The following WNT10B variants were observed in gnomAD, a reference collection of about 807,000 sequenced individuals.
The protein encoded by WNT10B is Wnt family member 10B, also known as protein Wnt-10b.
In WNT10B, 26 loss-of-function variants were observed where a neutral mutation model predicts 32.7. The ratio of observed to expected loss-of-function variants is 0.79; its 90% CI spans 0.58 to 1.10. WNT10B has a LOEUF of 1.10. Ranked by LOEUF, WNT10B falls within the 50% of genes least tolerant of loss-of-function variation. WNT10B has a pLI of 0.00. For synonymous variants in WNT10B, 204 were observed against 220.4 expected (o/e 0.93, Z 0.66); for missense variants, 474 against 532.5 (o/e 0.89, Z 1.08).
At chr12:48,968,991 G>A (rs976972080) in intron 3 of WNT10B, 2 of 449,342 alleles carry the variant, frequency 4.5e-6, no homozygotes, top group African/African-American at 4.1e-5. Context: ...GAGGAGGAGA[G>A]AGGTTGGGGA....
chr12:48,968,136 G>A lies in WNT10B; in HGVS notation c.521C>T (p.Pro174Leu). ...LQALSRGKSF[P>L]HSLPSPGPGS... ...AGGGCCAGGGCTGGGCAGAGAGTGG[G>A]GGAAACTCTTGCCTCGGGACAGTGC... is the stretch of plus-strand genomic sequence containing the variant. The change falls in exon 4 of 5, where the codon CCC (proline) becomes CTC (leucine). Residue 174 changes from proline (P) to leucine (L), a missense_variant. By Grantham distance (98) the Pro-to-Leu change is moderately conservative. Transcript: ENST00000301061. 1.9e-6 allele frequency: 3 copies of A among 1,614,242 alleles called. No homozygotes were observed. The highest frequency in any genetic ancestry group is 2.5e-6 in the Non-Finnish European group (3 of 1,180,036).
rs1940839662 is a variant in WNT10B at position 48,970,719 on chromosome 12, T to G, written c.-40-150A>C. The G allele has an allele frequency of 1.6e-6, 1 of 636,224 alleles. No individual in the cohort carries two copies. The highest frequency in any genetic ancestry group is 2.0e-5 in the South Asian group (1 of 50,750). The allele number at this position is 636,224 out of a possible 1,614,324, so 39.4% of individuals were successfully genotyped here. A position where few individuals can be genotyped will look rare whatever the true frequency, so the allele number is the denominator to read the frequency against. The stretch of plus-strand genomic sequence containing the variant: ...AAACAAAACAAGAAGAAACACCCCT[T>G]GATTCCCAGAGTCCCTGAGGCTTGG... On this transcript the variant is annotated intron_variant, in intron 1 of 4. Coordinates refer to ENST00000301061, the MANE Select transcript of WNT10B (RefSeq NM_003394.4). The surrounding 1 kb of genome is among the most constrained non-coding windows in gnomAD (Gnocchi z 5.0).
At position 48,965,667 on chromosome 12, in the gene WNT10B, A is replaced by C. The variant is rs541034659; in HGVS notation, c.*428T>G. ...CAGTAAAGGAGTTTGGGGATAGTAC[A>C]TAGGAGTGGGTGATCTCTTTCTAGA... is the stretch of plus-strand genomic sequence containing the variant. On this transcript the variant is annotated 3_prime_UTR_variant, in exon 5 of 5. Transcript: ENST00000301061. 9.7e-4 allele frequency: 203 copies of C among 209,942 alleles called. 1 individual carries two copies. Among genetic ancestry groups the C allele is most frequent in the African/African-American group, 4.2e-3 (184 of 43,654 alleles). 13.0% of individuals were successfully genotyped at this position (209,942 alleles called of 1,614,324 possible).
At chr12:48,968,473 C>T (rs894611563) in intron 3 of WNT10B, among the ~76,000 whole-genome samples, 154 bp from the exon 4 acceptor site, 1 of 152,220 alleles carries the variant, frequency 6.6e-6, no homozygotes, top group Non-Finnish European at 1.5e-5. Context: ...GGAGGAAAGT[C>T]ATGGGACAAG....
chr12:48,970,761 G>A lies in WNT10B; in HGVS notation c.-40-192C>T, dbSNP rs567201936. 3 of 601,394 alleles carry A rather than the reference G, an allele frequency of 5.0e-6. No individual in the cohort carries two copies. The highest frequency in any genetic ancestry group is 3.0e-5 in the Admixed American group (1 of 33,752). The allele number at this position is 601,394 out of a possible 1,614,324, so 37.3% of individuals were successfully genotyped here. The stretch of plus-strand genomic sequence containing the variant: ...GAGGCTTGGAGGTCTTAAAGAAGAA[G>A]AGTCAAGGCGTTGTCCCAGCTCAGG... On this transcript the variant is annotated intron_variant, in intron 1 of 4. Coordinates refer to ENST00000301061, the MANE Select transcript of WNT10B (RefSeq NM_003394.4). The surrounding 1 kb of genome is among the most constrained non-coding windows in gnomAD (Gnocchi z 5.0).
In WNT10B at chr12:48,965,444, T is replaced by A. The variant is rs1592249068; in HGVS notation, c.*651A>T. On this transcript the variant is annotated 3_prime_UTR_variant, in exon 5 of 5. Coordinates refer to ENST00000301061, the MANE Select transcript of WNT10B (RefSeq NM_003394.4). The stretch of plus-strand genomic sequence containing the variant: ...TCCTGCTGAAGAAGGAAAAAGAGGC[T>A]CCAAGAGTCATGGGAAAACCCCTTC... The A allele has an allele frequency of 6.5e-6, 1 of 152,806 alleles. No individual in the cohort carries two copies. The highest frequency in any genetic ancestry group is 1.9e-4 in the East Asian group (1 of 5,186). 9.5% of individuals were successfully genotyped at this position (152,806 alleles called of 1,614,324 possible).
Position 48,965,977 on chromosome 12 carries a change from G to T in WNT10B, c.*118C>A. ...CCACCACCCCTAAAGCTGTTTCCAG[G>T]TAGATACTTTAAGCTTCCAGGGACC... On this transcript the variant is annotated 3_prime_UTR_variant, in exon 5 of 5. Transcript: ENST00000301061. The T allele has an allele frequency of 7.9e-7, 1 of 1,267,594 alleles. No individual in the cohort carries two copies. The highest frequency in any genetic ancestry group is 1.1e-6 in the Non-Finnish European group (1 of 903,832). The allele number at this position is 1,267,594 out of a possible 1,614,324, so 78.5% of individuals were successfully genotyped here.
chr12:48,968,073 TC>T lies in WNT10B; in HGVS notation c.583del (p.Glu195AsnfsTer45). ...CATGTCATGGTTACAGCCACCCCATTCCCATGTGTCCTGGGGGCCAGGGCTG... is the reference window on the plus strand; with the variant it reads ...CATGTCATGGTTACAGCCACCCCATTCCATGTGTCCTGGGGGCCAGGGCTG... ...SPSPGPQDTWEWGGCNHDMDF... is the reference protein window; with the variant it reads ...SPSPGPQDTWXWGGCNHDMDF... On this transcript the variant is annotated frameshift_variant, in exon 4 of 5. Coordinates refer to ENST00000301061, the MANE Select transcript of WNT10B (RefSeq NM_003394.4). LOFTEE classifies it high-confidence loss of function. The T allele has an allele frequency of 6.2e-7, 1 of 1,614,210 alleles. No individual in the cohort carries two copies. The highest frequency in any genetic ancestry group is 8.5e-7 in the Non-Finnish European group (1 of 1,180,034).
Position 48,968,097 on chromosome 12 carries a change from C to T in WNT10B, c.560G>A (p.Ser187Asn), listed in dbSNP as rs1940774740. The stretch of plus-strand genomic sequence containing the variant: ...TTCCCATGTGTCCTGGGGGCCAGGG[C>T]TGGGGCTTGAGCCAGGGCCAGGGCT... ...LPSPGPGSSP[S>N]PGPQDTWEWG... Residue 187 changes from serine to asparagine, a missense_variant, in exon 4 of 5, where the codon AGC becomes AAC. Transcript: ENST00000301061. 6.2e-7 allele frequency: 1 copy of T among 1,614,236 alleles called. No individual in the cohort carries two copies. Among genetic ancestry groups the T allele is most frequent in the Non-Finnish European group, 8.5e-7 (1 of 1,180,036 alleles).
rs577800050 is a variant in WNT10B, at chr12:48,968,182, C to T, written c.475G>A (p.Ala159Thr). 6.2e-7 allele frequency: 1 copy of T among 1,613,870 alleles called. No individual in the cohort carries two copies. The highest frequency in any genetic ancestry group is 2.2e-5 in the East Asian group (1 of 44,898). The change falls in exon 4 of 5, where the codon GCC becomes ACC. Residue 159 changes from alanine to threonine, a missense_variant. Coordinates refer to ENST00000301061, the MANE Select transcript of WNT10B (RefSeq NM_003394.4). ...KGSGEQDRLR[A>T]KLLQLQALSR... ...AGTGCCTGCAGCTGCAGCAGTTTGG[C>T]CCTCAGCCGATCCTGCTCACCACTG...
chr12:48,970,669 C>A lies in WNT10B; in HGVS notation c.-40-100G>T. ...GGGCTCCTAACCCACCGGTGCCACC[C>A]TACTGACCCTTCTCATTCCTCCTCA... On this transcript the variant is annotated intron_variant, in intron 1 of 4. Transcript: ENST00000301061. This position sits in a 1 kb window ranked among gnomAD's most constrained non-coding sequence, Gnocchi z 5.0. The A allele has an allele frequency of 1.2e-6, 1 of 817,368 alleles. No homozygotes were observed. Among genetic ancestry groups the A allele is most frequent in the Non-Finnish European group, 2.0e-6 (1 of 508,170 alleles). The allele number at this position is 817,368 out of a possible 1,614,324, so 50.6% of individuals were successfully genotyped here. A position where few individuals can be genotyped will look rare whatever the true frequency, so the allele number is the denominator to read the frequency against.
rs1370358468 is a variant in WNT10B, at chr12:48,966,422, C to T, written c.843G>A (p.Arg281=). 7 of 1,613,910 alleles carry T rather than the reference C, an allele frequency of 4.3e-6. No individual in the cohort carries two copies. Among genetic ancestry groups the T allele is most frequent in the Non-Finnish European group, 5.9e-6 (7 of 1,180,050 alleles). ...VGAALRERLG[R]AIFIDTHNRN... ...GGTTGTGGGTATCAATGAAGATGGC[C>T]CGGCCCAGCCGCTCCCTCAACGCCG... The change falls in exon 5 of 5, where the codon CGG becomes CGA. Residue 281 remains arginine (R), a synonymous_variant. Coordinates refer to ENST00000301061, the MANE Select transcript of WNT10B (RefSeq NM_003394.4).
Position 48,966,332 on chromosome 12 carries a change from A to G in WNT10B, c.933T>C (p.Phe311=). The change falls in exon 5 of 5, where the codon TTT becomes TTC. Residue 311 remains phenylalanine, a synonymous_variant. Transcript: ENST00000301061. ...PRRLSGELVY[F]EKSPDFCERD... ...GCTCACAGAAGTCAGGAGACTTCTC[A>G]AAGTAGACCAGCTCTCCTGAGAGGC... 6.2e-7 allele frequency: 1 copy of G among 1,614,190 alleles called. No homozygotes were observed. Among genetic ancestry groups the G allele is most frequent in the Non-Finnish European group, 8.5e-7 (1 of 1,180,010 alleles).
chr12:48,969,794 T>A (rs960149571), intron 3 of WNT10B, among the ~76,000 whole-genome samples: 1 of 151,550 alleles, frequency 6.6e-6, no homozygotes, highest in Non-Finnish European at 1.5e-5. Context: ...ACTGGGGGCA[T>A]CTCTTGTTCA....
rs998236957 is a variant in WNT10B at position 48,971,044 on chromosome 12, A to G, written c.-41+411T>C. On this transcript the variant is annotated intron_variant, in intron 1 of 4. Coordinates refer to ENST00000301061, the MANE Select transcript of WNT10B (RefSeq NM_003394.4). ...CAAGGGCAAGTAGGCTCCATGAGAA[A>G]GGTCTAAGAATGAGTTCCCCACTCA... Among the ~76,000 whole-genome samples, 9 of 152,280 alleles carry G rather than the reference A, an allele frequency of 5.9e-5. No individual in the cohort carries two copies. In the South Asian group the frequency reaches 6.2e-4, roughly 11 times the overall value.
chr12:48,967,640 T>TG (rs1296371789), intron 4 of WNT10B, among the ~76,000 whole-genome samples: 2 of 152,104 alleles, frequency 1.3e-5, no homozygotes, highest in Non-Finnish European at 2.9e-5. Context: ...AATATAGAGA[T>TG]GGGGTCTCAC....
In WNT10B at chr12:48,966,189, G is replaced by C. The variant is rs2137610717; in HGVS notation, c.1076C>G (p.Thr359Arg). 6.2e-7 allele frequency: 1 copy of C among 1,613,706 alleles called. No homozygotes were observed. Among genetic ancestry groups the C allele is most frequent in the Non-Finnish European group, 8.5e-7 (1 of 1,179,866 alleles). ...CGRGHNVLRQTRVERCHCRFH... is the reference protein window; with the variant it reads ...CGRGHNVLRQRRVERCHCRFH... ...GCGGCAATGGCAGCGCTCAACTCGTGTCTGCCGGAGCACGTTGTGCCCACG... is the reference window on the plus strand; with the variant it reads ...GCGGCAATGGCAGCGCTCAACTCGTCTCTGCCGGAGCACGTTGTGCCCACG... Residue 359 changes from threonine (T) to arginine (R), a missense_variant, in exon 5 of 5, where the codon ACA (threonine) becomes AGA (arginine). Thr to Arg is a moderately conservative substitution (Grantham distance 71). Coordinates refer to ENST00000301061, the MANE Select transcript of WNT10B (RefSeq NM_003394.4).
rs371482821 is a variant in WNT10B at position 48,970,359 on chromosome 12, C to T, written c.75-8G>A. On this transcript the variant is annotated splice_polypyrimidine_tract_variant and splice_region_variant and intron_variant, in intron 2 of 4. Transcript: ENST00000301061. This position sits in a 1 kb window ranked among gnomAD's most constrained non-coding sequence, Gnocchi z 5.0. Reference sequence around the variant, plus strand: ...ATCTCATTGCTTAGAGCCCTGGGAACCAAGAAGGCGTCTGGGGTCTGCGGT... The same window carrying T: ...ATCTCATTGCTTAGAGCCCTGGGAATCAAGAAGGCGTCTGGGGTCTGCGGT... The T allele has an allele frequency of 2.7e-5, 44 of 1,613,976 alleles. No individual in the cohort carries two copies. The highest frequency in any genetic ancestry group is 3.4e-5 in the Non-Finnish European group (40 of 1,179,980).
Position 48,965,789 on chromosome 12 carries a change from C to A in WNT10B, c.*306G>T. On this transcript the variant is annotated 3_prime_UTR_variant, in exon 5 of 5. Transcript: ENST00000301061. ...CTCCCCAGCCAAAAGGAGTATGAAT[C>A]AGGGTTAAAGGGGCTCTGGAGTTGA... The A allele has an allele frequency of 2.5e-6, 1 of 400,732 alleles. No homozygotes were observed. Among genetic ancestry groups the A allele is most frequent in the Non-Finnish European group, 4.6e-6 (1 of 216,182 alleles). The allele number at this position is 400,732 out of a possible 1,614,324, so 24.8% of individuals were successfully genotyped here.
Sources: allele counts gnomAD v4.1 joint callset (sites outside exome capture counted in the v4.1 genomes callset), GRCh38; gene constraint gnomAD v4.1.1; non-coding constraint Gnocchi (gnomAD v3.1); transcripts MANE v1.5; gene names NCBI Gene and HGNC (gene_info 2026-07-23, HGNC 2026-07-21).